SH3BGR: variants seen among roughly 807,000 people sequenced by gnomAD.
SH3BGR encodes SH3 domain-binding glutamic acid-rich protein.
Under a neutral mutation model 24.5 loss-of-function variants are expected in SH3BGR, and 29 were observed. The ratio of observed to expected loss-of-function variants is 1.18; its 90% CI spans 0.88 to 1.61. SH3BGR has a LOEUF of 1.61. Ranked by LOEUF, SH3BGR falls within the 40% of genes most tolerant of loss-of-function variation. The probability of loss-of-function intolerance (pLI) is 0.00; values close to 1 mark genes in which losing one functional copy is unlikely to be tolerated. For missense variants in SH3BGR, 162 were observed against 205.8 expected, an observed-to-expected ratio of 0.79 and a Z score of 1.30; for synonymous variants, 55 against 65.7, an observed-to-expected ratio of 0.84 and a Z score of 0.79.
chr21:39,452,076 G>T lies in SH3BGR; in HGVS notation c.-21G>T, dbSNP rs1358233939. 4 of 1,614,006 alleles carry T rather than the reference G, an allele frequency of 2.5e-6. No individual in the cohort carries two copies. The highest frequency in any genetic ancestry group is 2.5e-6 in the Non-Finnish European group (3 of 1,180,006). On this transcript the variant is annotated 5_prime_UTR_variant, in exon 1 of 7. Transcript: ENST00000333634. ...CCCTGACAGGGGTGTGTTGGGGGGA[G>T]TCCTCTTTCCAACTGTCGAAATGGT...
At chr21:39,499,944 G>T (rs2123501669) in intron 4 of SH3BGR, 29 bp downstream of exon 4, 2 of 1,491,900 alleles carry the variant, frequency 1.3e-6, no homozygotes, top group South Asian at 2.3e-5. Context: ...ACAGCAGTTT[G>T]ACTGGATTCT....
chr21:39,492,759 T>C (rs1201238595), intron 3 of SH3BGR, among the ~76,000 whole-genome samples: 1 of 152,158 alleles, frequency 6.6e-6, no homozygotes, highest in Admixed American at 6.5e-5. Flanking sequence ...AAGTGTTCCC[T>C]GTTCACTGCA....
At chr21:39,481,037 C>G (rs1055453854) in intron 3 of SH3BGR, among the ~76,000 whole-genome samples, 3 of 152,218 alleles carry the variant, frequency 2.0e-5, no homozygotes, top group Non-Finnish European at 4.4e-5. Flanking sequence ...TCTCTCTTTC[C>G]ACAAGCAAGA....
At position 39,515,222 on chromosome 21, in the gene SH3BGR, G is replaced by A. The variant is rs2078760718; in HGVS notation, c.*169G>A. ...CTGACCTGGTTAGATGTACATGGAG[G>A]TATCTCCCGAATCATACAAAATTAA... is the stretch of plus-strand genomic sequence containing the variant. On this transcript the variant is annotated 3_prime_UTR_variant, in exon 7 of 7. Coordinates refer to ENST00000333634, the MANE Select transcript of SH3BGR (RefSeq NM_007341.3). 3 of 432,340 alleles carry A rather than the reference G, an allele frequency of 6.9e-6. No homozygotes were observed. Among genetic ancestry groups the A allele is most frequent in the Non-Finnish European group, 1.4e-5 (3 of 208,720 alleles). The allele number at this position is 432,340 out of a possible 1,614,324, so 26.8% of individuals were successfully genotyped here.
At chr21:39,510,934 T>TATATAC (rs2078679593) in intron 5 of SH3BGR, among the ~76,000 whole-genome samples, 2 of 143,186 alleles carry the variant, frequency 1.4e-5, no homozygotes, top group African/African-American at 2.5e-5. Context: ...TATATATATA[T>TATATAC]ATATATATAT....
rs76827578 is a variant in SH3BGR, at chr21:39,460,435, A to C, written c.46-1940A>C. Among the ~76,000 whole-genome samples the C allele has an allele frequency of 3.2e-3, 483 of 152,262 alleles. 1 individual carries two copies. The highest frequency in any genetic ancestry group is 0.011 in the African/African-American group (474 of 41,546). Reference sequence around the variant, plus strand: ...ATACTTGATATTTGAATTTCATAGTAAAGTATCTTTTTTATTTTATTATTT... The same window carrying C: ...ATACTTGATATTTGAATTTCATAGTCAAGTATCTTTTTTATTTTATTATTT... On this transcript the variant is annotated intron_variant, in intron 1 of 6. Transcript: ENST00000333634.
At chr21:39,467,127 T>A (rs905585056) in intron 2 of SH3BGR, among the ~76,000 whole-genome samples, 1 of 152,196 alleles carries the variant, frequency 6.6e-6, no homozygotes, top group Non-Finnish European at 1.5e-5. Context: ...TTAAGTGAGT[T>A]ACAGTAGACA....
At chr21:39,464,766 C>T (rs2077813053) in intron 2 of SH3BGR, among the ~76,000 whole-genome samples, 1 of 152,208 alleles carries the variant, frequency 6.6e-6, no homozygotes, top group African/African-American at 2.4e-5. Flanking sequence ...ACATCTTCCC[C>T]ACCTTCCTTT....
At chr21:39,499,762 CT>C in intron 3 of SH3BGR, 60 bp from the exon 4 acceptor site, 1 of 1,212,482 alleles carries the variant, frequency 8.2e-7, no homozygotes, top group East Asian at 2.4e-5. Flanking sequence ...CATATGTGGC[CT>C]GTTTTTTTTT....
chr21:39,510,909 CTATATATATATATATA>C lies in SH3BGR; in HGVS notation c.436-748_436-733del, dbSNP rs61692072. ...TTCTTTTTGTATTTGATTCTTCTAA[CTATATATATATATATA>C]TATATATATATATATATATATACTT... On this transcript the variant is annotated intron_variant, in intron 5 of 6. Coordinates refer to ENST00000333634, the MANE Select transcript of SH3BGR (RefSeq NM_007341.3). Among the ~76,000 whole-genome samples, 33 of 65,864 alleles carry C rather than the reference CTATATATATATATATA, an allele frequency of 5.0e-4. 1 individual carries two copies. Among genetic ancestry groups the C allele is most frequent in the East Asian group, 1.5e-3 (2 of 1,296 alleles). 43.2% of individuals were successfully genotyped at this position (65,864 alleles called of 152,430 possible).
intron 3 of SH3BGR, chr21:39,488,393 T>A: frequency 4.4e-6 from 1 of 227,046 alleles, no homozygotes; most frequent in South Asian, 7.7e-5. Flanking sequence ...ACTGAATGGG[T>A]GATGGCAAGG....
At chr21:39,453,779 A>G (rs1460919018) in intron 1 of SH3BGR, among the ~76,000 whole-genome samples, 2 of 152,264 alleles carry the variant, frequency 1.3e-5, no homozygotes, top group African/African-American at 4.8e-5. Flanking sequence ...AATGAGGATA[A>G]GAATAGTGCC....
chr21:39,491,626 C>T (rs1241579606), intron 3 of SH3BGR: 1 of 230,798 alleles, frequency 4.3e-6, no homozygotes, highest in East Asian at 1.1e-4. Flanking sequence ...GCAAGCTTCA[C>T]GAGATTGATT....
chr21:39,462,992 T>C lies in SH3BGR; in HGVS notation c.231+432T>C, dbSNP rs1024823787. On this transcript the variant is annotated intron_variant, in intron 2 of 6. Coordinates refer to ENST00000333634, the MANE Select transcript of SH3BGR (RefSeq NM_007341.3). ...TCTTTCTCTTGAGCTCAAGCGATCC[T>C]CTCACTTCAGCCTCTTGAGTAGCTG... Among the ~76,000 whole-genome samples, 5 of 152,166 alleles carry C rather than the reference T, an allele frequency of 3.3e-5. No individual in the cohort carries two copies. The East Asian group carries it at 9.6e-4, about 29-fold the overall frequency.
intron 5 of SH3BGR, among the ~76,000 whole-genome samples, chr21:39,510,449 CA>C (rs2078665843): frequency 9.3e-6 from 1 of 107,040 alleles, no homozygotes; most frequent in East Asian, 2.9e-4. Flanking sequence ...CACACACACA[CA>C]CACACTGTAG....
chr21:39,499,258 C>CTATCTATCTATCTATCTATCTA (rs1281636517), intron 3 of SH3BGR, among the ~76,000 whole-genome samples: 303 of 151,830 alleles, frequency 2.0e-3, no homozygotes, highest in Admixed American at 4.7e-3. Flanking sequence ...TATCTATCAT[C>CTATCTATCTATCTATCTATCTA]TGTCTATCTG....
chr21:39,502,127 C>T lies in SH3BGR; in HGVS notation c.405+2212C>T, dbSNP rs552248399. ...GGCAGAGTTTGCAGTGAGCTGAGAT[C>T]GTGCCACTGCACTCCAGTCTGGGCA... On this transcript the variant is annotated intron_variant, in intron 4 of 6. Coordinates refer to ENST00000333634, the MANE Select transcript of SH3BGR (RefSeq NM_007341.3). Among the ~76,000 whole-genome samples the T allele has an allele frequency of 6.6e-5, 10 of 152,246 alleles. No homozygotes were observed. The South Asian group carries it at 1.2e-3, about 19-fold the overall frequency.
At chr21:39,500,291 G>A (rs2078472238) in intron 4 of SH3BGR, among the ~76,000 whole-genome samples, 1 of 152,058 alleles carries the variant, frequency 6.6e-6, no homozygotes, top group South Asian at 2.1e-4. Flanking sequence ...CTGCCCAGTG[G>A]GGAAATAGAG....
At position 39,511,868 on chromosome 21, in the gene SH3BGR, G is replaced by A. The variant is rs545120821; in HGVS notation, c.*34+59G>A. 5 of 1,465,952 alleles carry A rather than the reference G, an allele frequency of 3.4e-6. No individual in the cohort carries two copies. The highest frequency in any genetic ancestry group is 4.5e-6 in the Non-Finnish European group (5 of 1,099,622). The allele number at this position is 1,465,952 out of a possible 1,614,324, so 90.8% of individuals were successfully genotyped here. A position where few individuals can be genotyped will look rare whatever the true frequency, so the allele number is the denominator to read the frequency against. On this transcript the variant is annotated intron_variant, in intron 6 of 6. Transcript: ENST00000333634. The surrounding 1 kb of genome is among the most constrained non-coding windows in gnomAD (Gnocchi z 4.2). The stretch of plus-strand genomic sequence containing the variant: ...AGTTACCGTACTGTATGCTATCTGC[G>A]GCACATTTTGCTTAGTAACAGGAGA...
Sources: allele counts gnomAD v4.1 joint callset (sites outside exome capture counted in the v4.1 genomes callset), GRCh38; gene constraint gnomAD v4.1.1; non-coding constraint Gnocchi (gnomAD v3.1); transcripts MANE v1.5; gene names NCBI Gene and HGNC (gene_info 2026-07-23, HGNC 2026-07-21).